PPFIA4: variants seen among roughly 807,000 people sequenced by gnomAD.
PPFIA4 encodes the protein liprin-alpha-4.
PPFIA4 carries 98 observed loss-of-function variants against 145.7 expected under a neutral mutation model. That is an observed-to-expected ratio of 0.67 (90% confidence interval 0.57 to 0.80). PPFIA4 has a LOEUF of 0.80. PPFIA4 is among the 30% of genes least tolerant of loss of function. PPFIA4 has a pLI of 0.00. For synonymous variants in PPFIA4, 628 were observed against 649.6 expected (o/e 0.97, Z 0.51); for missense variants, 1,457 against 1,632.7 (o/e 0.89, Z 1.85).
intron 1 of PPFIA4, chr1:203,034,848 C>T: frequency 5.5e-6 from 2 of 362,364 alleles, no homozygotes; most frequent in Non-Finnish European, 1.1e-5. Context: ...TCTTCTTCCT[C>T]CTTCTACCCC....
chr1:203,049,268 C>G (rs1660320006), intron 12 of PPFIA4, among the ~76,000 whole-genome samples: 1 of 152,200 alleles, frequency 6.6e-6, no homozygotes, highest in Admixed American at 6.5e-5. Flanking sequence ...GCTTCAAACC[C>G]TGGTGCAGCC....
chr1:203,056,741 A>G (rs778949920), intron 18 of PPFIA4, 43 bp from the exon 19 acceptor site: 1 of 1,475,040 alleles, frequency 6.8e-7, no homozygotes, highest in African/African-American at 1.4e-5. Context: ...TCACTTAAGT[A>G]TGTTTCTTCT....
intron 13 of PPFIA4, 122 bp from the exon 14 acceptor site, chr1:203,051,647 G>C: frequency 6.8e-7 from 1 of 1,475,468 alleles, no homozygotes; most frequent in Non-Finnish European, 9.1e-7. Flanking sequence ...TGACAGCTCT[G>C]TGTCCTGCTA....
chr1:203,045,996 T>C lies in PPFIA4; in HGVS notation c.1005+9T>C, dbSNP rs1227021422. ...AGTCCCTGCACCGCCAGGTACCTCC[T>C]CAGGGTGGGGTGGGGATGGGCATTG... On this transcript the variant is annotated intron_variant, in intron 8 of 29. Transcript: ENST00000295706. 6 of 1,612,214 alleles carry C rather than the reference T, an allele frequency of 3.7e-6. No individual in the cohort carries two copies. The highest frequency in any genetic ancestry group is 5.1e-6 in the Non-Finnish European group (6 of 1,179,672).
At position 203,048,575 on chromosome 1, in the gene PPFIA4, C is replaced by T. The variant is rs997234274; in HGVS notation, c.1225-8C>T. 2.5e-6 allele frequency: 4 copies of T among 1,573,972 alleles called. No homozygotes were observed. The highest frequency in any genetic ancestry group is 3.4e-6 in the Non-Finnish European group (4 of 1,160,960). On this transcript the variant is annotated splice_region_variant and splice_polypyrimidine_tract_variant and intron_variant, in intron 10 of 29. Coordinates refer to ENST00000295706, the MANE Select transcript of PPFIA4 (RefSeq NM_001304331.2). This position sits in a 1 kb window ranked among gnomAD's most constrained non-coding sequence, Gnocchi z 5.8. ...GGGCGGCCTGGTGCGAGGCAGACGG[C>T]TGTGCAGGTGCGCCAGCGGGAAAAG...
chr1:203,055,706 C>G lies in PPFIA4; in HGVS notation c.2070+34C>G. The G allele has an allele frequency of 1.9e-6, 3 of 1,610,080 alleles. No individual in the cohort carries two copies. Among genetic ancestry groups the G allele is most frequent in the Non-Finnish European group, 2.5e-6 (3 of 1,177,002 alleles). ...CAGCTGAGGAGCAGGCCTGGCATCA[C>G]TGGACCCTGCACCGGGGGAGGTTTT... On this transcript the variant is annotated intron_variant, in intron 16 of 29. Coordinates refer to ENST00000295706, the MANE Select transcript of PPFIA4 (RefSeq NM_001304331.2). The surrounding 1 kb of genome is among the most constrained non-coding windows in gnomAD (Gnocchi z 4.8).
intron 25 of PPFIA4, among the ~76,000 whole-genome samples, chr1:203,066,741 C>T (rs564320470): frequency 1.1e-4 from 17 of 152,284 alleles, no homozygotes; most frequent in African/African-American, 3.1e-4. Context: ...GCACCTGATA[C>T]TGTTTAAGTA....
chr1:203,067,385 T>C, intron 25 of PPFIA4: 1 of 331,886 alleles, frequency 3.0e-6, no homozygotes, highest in South Asian at 4.8e-5. Flanking sequence ...GTGGTAGGGG[T>C]CTTTGTCGTT....
In PPFIA4 at chr1:203,039,118, G is replaced by A. The variant is rs769940708; in HGVS notation, c.110G>A (p.Arg37Gln). ...EQLMVNMLDE[R>Q]EKLLESLRES... ...CTGATGGTGAACATGCTGGACGAGCGGGAGAAGTTGCTGGAGTCTCTTCGG... is the reference window on the plus strand; with the variant it reads ...CTGATGGTGAACATGCTGGACGAGCAGGAGAAGTTGCTGGAGTCTCTTCGG... The change falls in exon 2 of 30, where the codon CGG becomes CAG. Residue 37 changes from arginine to glutamine, a missense_variant. Transcript: ENST00000295706. The A allele has an allele frequency of 3.1e-6, 5 of 1,607,884 alleles. No homozygotes were observed. The highest frequency in any genetic ancestry group is 1.7e-5 in the Admixed American group (1 of 59,294).
chr1:203,051,734 G>A (rs759928732), intron 13 of PPFIA4, 35 bp from the exon 14 acceptor site: 9 of 1,581,806 alleles, frequency 5.7e-6, no homozygotes, highest in Middle Eastern at 1.7e-4. Context: ...TCAGTCCTCA[G>A]GGCCTGTCTT....
rs1349364287 is a variant in PPFIA4, at chr1:203,060,064, G to C, written c.2584-153G>C. 6.6e-6 allele frequency among the ~76,000 whole-genome samples: 1 copy of C among 152,186 alleles called. No homozygotes were observed. Among genetic ancestry groups the C allele is most frequent in the East Asian group, 1.9e-4 (1 of 5,192 alleles). On this transcript the variant is annotated intron_variant, in intron 21 of 29. Coordinates refer to ENST00000295706, the MANE Select transcript of PPFIA4 (RefSeq NM_001304331.2). This position sits in a 1 kb window ranked among gnomAD's most constrained non-coding sequence, Gnocchi z 4.8. The stretch of plus-strand genomic sequence containing the variant: ...ATGCTACTTTTAATCTGTAAAATGG[G>C]AGAGTGAGGGGTTTGATGACCGCCA...
chr1:203,068,744 G>A lies in PPFIA4; in HGVS notation c.3324+116G>A. The A allele has an allele frequency of 9.1e-7, 1 of 1,100,414 alleles. No individual in the cohort carries two copies. 68.2% of individuals were successfully genotyped at this position (1,100,414 alleles called of 1,614,324 possible). A position where few individuals can be genotyped will look rare whatever the true frequency, so the allele number is the denominator to read the frequency against. ...CTTGGGGGGTGGGGAGCTTTTCTAG[G>A]GCCTATGCCAGAGGGGATCGCAATG... On this transcript the variant is annotated intron_variant, in intron 27 of 29. Coordinates refer to ENST00000295706, the MANE Select transcript of PPFIA4 (RefSeq NM_001304331.2). The surrounding 1 kb of genome is among the most constrained non-coding windows in gnomAD (Gnocchi z 4.7).
chr1:203,065,394 C>T (rs1260697585), intron 25 of PPFIA4, among the ~76,000 whole-genome samples: 2 of 152,028 alleles, frequency 1.3e-5, no homozygotes, highest in Non-Finnish European at 2.9e-5. Flanking sequence ...CTGCACCTGT[C>T]CCCTACTCAG....
At chr1:203,035,701 A>G (rs1161766371) in intron 1 of PPFIA4, 1 of 455,896 alleles carries the variant, frequency 2.2e-6, no homozygotes, top group Non-Finnish European at 4.4e-6. Flanking sequence ...TGAGATGATA[A>G]TTGCGCTATT....
intron 2 of PPFIA4, 125 bp downstream of exon 2, chr1:203,039,367 C>T: frequency 1.4e-6 from 1 of 698,792 alleles, no homozygotes; most frequent in Non-Finnish European, 2.3e-6. Context: ...TGAGCATTTA[C>T]TCTCCTTCAT....
intron 1 of PPFIA4, among the ~76,000 whole-genome samples, chr1:203,030,966 T>C (rs1238803892): frequency 6.6e-6 from 1 of 152,250 alleles, no homozygotes. Flanking sequence ...GTCATGAGTC[T>C]ATATACCTAC....
At position 203,060,483 on chromosome 1, in the gene PPFIA4, T is replaced by G. The variant is rs1661286080; in HGVS notation, c.2784+66T>G. ...CTGGAACATAGTTTGCAAGGTCTCC[T>G]GTTGGGCTTTGGGAAGATGGCAGCA... On this transcript the variant is annotated intron_variant, in intron 22 of 29. Transcript: ENST00000295706. This position sits in a 1 kb window ranked among gnomAD's most constrained non-coding sequence, Gnocchi z 4.8. The G allele has an allele frequency of 3.2e-6, 5 of 1,542,066 alleles. No individual in the cohort carries two copies. In the South Asian group the frequency reaches 5.7e-5, roughly 17 times the overall value.
intron 25 of PPFIA4, chr1:203,067,448 C>T: frequency 4.5e-6 from 2 of 446,824 alleles, no homozygotes; most frequent in South Asian, 7.8e-5. Context: ...AACTTTTTTT[C>T]CCATCAATCC....
intron 9 of PPFIA4, among the ~76,000 whole-genome samples, chr1:203,046,700 A>T (rs1660113654): frequency 6.6e-6 from 1 of 151,474 alleles, no homozygotes; most frequent in Non-Finnish European, 1.5e-5. Context: ...GTCGTGGTGA[A>T]CACTTTCTTT....
Sources: gnomAD v4.1 joint callset for allele counts (sites outside exome capture counted in the v4.1 genomes callset) on GRCh38, gnomAD v4.1.1 for gene constraint, Gnocchi (gnomAD v3.1) non-coding constraint, MANE v1.5 for transcripts, NCBI Gene and HGNC (gene_info 2026-07-23, HGNC 2026-07-21) for gene names.